The following SCFD2 variants were observed in gnomAD, a reference collection of about 807,000 sequenced individuals.
SCFD2 encodes the protein sec1 family domain-containing protein 2.
Under a neutral mutation model 58.9 loss-of-function variants are expected in SCFD2, and 54 were observed. The ratio of observed to expected loss-of-function variants is 0.92; its 90% confidence interval spans 0.74 to 1.15. The LOEUF is 1.15. Among genes scored for constraint, SCFD2 ranks in the 50% most tolerant of loss-of-function variants. SCFD2 has a pLI of 0.00. For synonymous variants in SCFD2, 321 were observed against 335.9 expected, an observed-to-expected ratio of 0.96 and a Z score of 0.49; for missense variants, 805 against 836.6, an observed-to-expected ratio of 0.96 and a Z score of 0.47.
At chr4:53,300,457 T>G (rs538982578) in intron 3 of SCFD2, among the ~76,000 whole-genome samples, 1 of 152,196 alleles carries the variant, frequency 6.6e-6, no homozygotes, top group Admixed American at 6.5e-5. Flanking sequence ...AGCAAGTCCT[T>G]AGAGACCTAC....
chr4:53,304,269 T>G (rs1251252671), intron 3 of SCFD2, among the ~76,000 whole-genome samples: 3 of 152,098 alleles, frequency 2.0e-5, no homozygotes, highest in South Asian at 2.1e-4. Flanking sequence ...ATTTTTTCCT[T>G]CATTTCAACC....
At chr4:53,082,594 T>C (rs1724180247) in intron 5 of SCFD2, among the ~76,000 whole-genome samples, 1 of 152,090 alleles carries the variant, frequency 6.6e-6, no homozygotes, top group South Asian at 2.1e-4. Flanking sequence ...GTGAGGGTGT[T>C]TGCAGAAAAG....
intron 5 of SCFD2, among the ~76,000 whole-genome samples, chr4:53,016,967 G>A (rs896111926): frequency 1.3e-5 from 2 of 152,168 alleles, no homozygotes; most frequent in African/African-American, 2.4e-5. Context: ...AATTAGCCAG[G>A]CGTGGTGGTG....
intron 5 of SCFD2, among the ~76,000 whole-genome samples, chr4:52,998,190 A>C (rs1056141950): frequency 2.0e-5 from 3 of 152,208 alleles, no homozygotes; most frequent in African/African-American, 7.2e-5. Flanking sequence ...AATGAAAAAA[A>C]CATGTAACAC....
At chr4:53,208,871 A>G (rs1728516868) in intron 4 of SCFD2, among the ~76,000 whole-genome samples, 1 of 152,200 alleles carries the variant, frequency 6.6e-6, no homozygotes. Flanking sequence ...AATCTCAAGA[A>G]GCTCGGCCCT....
intron 4 of SCFD2, among the ~76,000 whole-genome samples, chr4:53,181,889 A>C (rs1483809937): frequency 6.6e-6 from 1 of 152,110 alleles, no homozygotes; most frequent in Non-Finnish European, 1.5e-5. Context: ...TCATCAGTGA[A>C]CTCCCACTCA....
chr4:53,324,548 G>T (rs142855794), intron 2 of SCFD2, among the ~76,000 whole-genome samples: 2 of 152,164 alleles, frequency 1.3e-5, no homozygotes, highest in Non-Finnish European at 2.9e-5. Context: ...GGCCACATGG[G>T]GAAGCACCAG....
chr4:52,973,349 C>T (rs1333838199), intron 5 of SCFD2, among the ~76,000 whole-genome samples: 3 of 152,164 alleles, frequency 2.0e-5, no homozygotes, highest in Non-Finnish European at 4.4e-5. Flanking sequence ...CACTACCGAT[C>T]CCATAGAAAT....
chr4:53,268,209 G>A (rs938035048), intron 4 of SCFD2, among the ~76,000 whole-genome samples: 4 of 152,086 alleles, frequency 2.6e-5, no homozygotes, highest in Admixed American at 6.5e-5. Context: ...TTTGTGCATG[G>A]GGGTGGGACA....
chr4:53,246,768 C>T (rs1730089435), intron 4 of SCFD2, among the ~76,000 whole-genome samples: 1 of 152,070 alleles, frequency 6.6e-6, no homozygotes, highest in Admixed American at 6.6e-5. Flanking sequence ...TAGGTAACAT[C>T]ATTCTGGACG....
chr4:52,950,419 C>G (rs1044373264), intron 5 of SCFD2: 1 of 152,192 alleles, frequency 6.6e-6, no homozygotes, highest in Non-Finnish European at 1.5e-5. Context: ...GGGCCCTGCC[C>G]CCTAGCCATC....
In SCFD2 at chr4:53,164,804, AAAG is replaced by A. The variant is rs568186119; in HGVS notation, c.1312-19225_1312-19223del. Reference sequence around the variant, plus strand: ...CTGGAGTCTCAAAAAAAAAAAAAAAAAAGAAGAAGAAGAAGAAGAAGAAGAAGG... The same window carrying A: ...CTGGAGTCTCAAAAAAAAAAAAAAAAAAGAAGAAGAAGAAGAAGAAGAAGG... On this transcript the variant is annotated intron_variant, in intron 4 of 8. Transcript: ENST00000401642. Among the ~76,000 whole-genome samples the A allele has an allele frequency of 6.7e-3, 959 of 143,804 alleles. 4 individuals are homozygous for A. Among genetic ancestry groups the A allele is most frequent in the African/African-American group, 0.013 (464 of 36,378 alleles). The allele number at this position is 143,804 out of a possible 152,430, so 94.3% of individuals were successfully genotyped here.
chr4:52,889,823 C>A (rs1371398940), intron 7 of SCFD2, among the ~76,000 whole-genome samples: 3 of 152,196 alleles, frequency 2.0e-5, no homozygotes, highest in African/African-American at 7.2e-5. Context: ...ATCTTGAACT[C>A]TAACACTCTA....
At chr4:53,107,789 A>G (rs1461761193) in intron 5 of SCFD2, among the ~76,000 whole-genome samples, 2 of 152,132 alleles carry the variant, frequency 1.3e-5, no homozygotes, top group Admixed American at 6.6e-5. Flanking sequence ...AGACTTTAAC[A>G]CCCCACTGTC....
chr4:53,188,815 T>C (rs1355001963), intron 4 of SCFD2, among the ~76,000 whole-genome samples: 2 of 152,178 alleles, frequency 1.3e-5, no homozygotes, highest in African/African-American at 2.4e-5. Flanking sequence ...TCTAAGTACA[T>C]AACTGTTTAA....
At chr4:53,021,615 G>A (rs1337076404) in intron 5 of SCFD2, among the ~76,000 whole-genome samples, 1 of 152,068 alleles carries the variant, frequency 6.6e-6, no homozygotes, top group Non-Finnish European at 1.5e-5. Context: ...CAGGGGCGCA[G>A]CGGCAAGTCA....
chr4:53,282,094 G>T (rs1238854065), intron 3 of SCFD2, among the ~76,000 whole-genome samples: 1 of 152,160 alleles, frequency 6.6e-6, no homozygotes, highest in Non-Finnish European at 1.5e-5. Context: ...CAGTGATTGT[G>T]TCTAATTTAG....
At chr4:53,178,686 C>T (rs1467103636) in intron 4 of SCFD2, among the ~76,000 whole-genome samples, 1 of 152,040 alleles carries the variant, frequency 6.6e-6, no homozygotes, top group Non-Finnish European at 1.5e-5. Context: ...AGCCTTCAGA[C>T]TATCAAACTA....
chr4:52,978,307 T>TG (rs1721298425), intron 5 of SCFD2, among the ~76,000 whole-genome samples: 1 of 152,204 alleles, frequency 6.6e-6, no homozygotes, highest in African/African-American at 2.4e-5. Context: ...TTCTGCAGGA[T>TG]GCTGGCCCTG....
Sources: allele counts gnomAD v4.1 joint callset (sites outside exome capture counted in the v4.1 genomes callset), GRCh38; gene constraint gnomAD v4.1.1; transcripts MANE v1.5; gene names NCBI Gene and HGNC (gene_info 2026-07-23, HGNC 2026-07-21).